Variants in DCAF5 observed in about 807,000 individuals in gnomAD.
The protein encoded by DCAF5 is DDB1 and CUL4 associated factor 5, also known as DDB1- and CUL4-associated factor 5.
In DCAF5, 9 loss-of-function variants were observed where a neutral mutation model predicts 80.7. The observed-to-expected ratio is 0.11, with a 90% CI of 0.07 to 0.19. DCAF5 has a LOEUF of 0.19. Ranked by LOEUF, DCAF5 falls within the 10% of genes least tolerant of loss-of-function variation. The probability of loss-of-function intolerance (pLI) is 1.00; values close to 1 mark genes in which losing one functional copy is unlikely to be tolerated. For synonymous variants in DCAF5, 433 were observed against 461.9 expected, an observed-to-expected ratio of 0.94 and a Z score of 0.80; for missense variants, 842 against 1,205.7, an observed-to-expected ratio of 0.70 and a Z score of 4.47.
chr14:69,139,578 C>T (rs2041298622), intron 1 of DCAF5, among the ~76,000 whole-genome samples: 1 of 150,970 alleles, frequency 6.6e-6, no homozygotes, highest in Admixed American at 6.6e-5. Context: ...CTTTGGGAGG[C>T]TGAGGCAGGT....
chr14:69,118,034 T>G lies in DCAF5; in HGVS notation c.535+105A>C. On this transcript the variant is annotated intron_variant, in intron 4 of 8. Transcript: ENST00000341516. This position sits in a 1 kb window ranked among gnomAD's most constrained non-coding sequence, Gnocchi z 4.0. Reference sequence around the variant, plus strand: ...TGAGTGTTTCACATTTCCTTTCCCTTGACATCACTTGCACATAGATACTGA... The same window carrying G: ...TGAGTGTTTCACATTTCCTTTCCCTGGACATCACTTGCACATAGATACTGA... 4.1e-6 allele frequency: 6 copies of G among 1,474,950 alleles called. No homozygotes were observed. The highest frequency in any genetic ancestry group is 5.6e-6 in the Non-Finnish European group (6 of 1,071,218). The allele number at this position is 1,474,950 out of a possible 1,614,324, so 91.4% of individuals were successfully genotyped here. A position where few individuals can be genotyped will look rare whatever the true frequency, so the allele number is the denominator to read the frequency against.
intron 3 of DCAF5, 95 bp downstream of exon 3, chr14:69,119,099 C>A: frequency 1.5e-6 from 2 of 1,301,354 alleles, no homozygotes; most frequent in South Asian, 1.6e-5. Flanking sequence ...TTGTTTTTTT[C>A]AAAAAACAAA....
At chr14:69,150,406 A>T (rs1595076843) in intron 1 of DCAF5, among the ~76,000 whole-genome samples, 2 of 152,282 alleles carry the variant, frequency 1.3e-5, no homozygotes, top group African/African-American at 4.8e-5. Context: ...CACAGGCTAA[A>T]ATTAAGATAA....
intron 5 of DCAF5, among the ~76,000 whole-genome samples, chr14:69,106,804 C>A (rs2040177942): frequency 6.6e-6 from 1 of 152,136 alleles, no homozygotes; most frequent in Admixed American, 6.5e-5. Flanking sequence ...CATTGGGAGG[C>A]TGAGATGAGT....
chr14:69,127,111 G>T (rs971810451), intron 1 of DCAF5, among the ~76,000 whole-genome samples: 1 of 152,144 alleles, frequency 6.6e-6, no homozygotes, highest in Non-Finnish European at 1.5e-5. Flanking sequence ...CTCTTATCAC[G>T]CAATCCAGCA....
At chr14:69,108,297 T>C (rs2040234193) in intron 5 of DCAF5, among the ~76,000 whole-genome samples, 2 of 152,152 alleles carry the variant, frequency 1.3e-5, no homozygotes, top group Non-Finnish European at 2.9e-5. Context: ...GCAAGGAAGT[T>C]TTCCCTGATG....
chr14:69,087,702 T>C (rs559919148), intron 6 of DCAF5, among the ~76,000 whole-genome samples: 244 of 152,336 alleles, frequency 1.6e-3, no homozygotes, highest in Non-Finnish European at 2.2e-3. Context: ...GGCAATGTTA[T>C]GTGAATGTAT....
At chr14:69,135,374 G>C (rs1253551929) in intron 1 of DCAF5, among the ~76,000 whole-genome samples, 1 of 152,130 alleles carries the variant, frequency 6.6e-6, no homozygotes, top group Non-Finnish European at 1.5e-5. Flanking sequence ...AAAAATAATT[G>C]TATCAAATTT....
chr14:69,085,998 C>T (rs910979864), intron 6 of DCAF5, among the ~76,000 whole-genome samples: 2 of 152,168 alleles, frequency 1.3e-5, no homozygotes, highest in African/African-American at 4.8e-5. Flanking sequence ...ACACTACTGT[C>T]GGCCTCAGTT....
chr14:69,152,705 C>T lies in DCAF5; in HGVS notation c.214+60G>A, dbSNP rs1483641773. The stretch of plus-strand genomic sequence containing the variant: ...GCAGGAGGAGGGTGACGGGGGAGAG[C>T]GAGAGGGGGAGGCTGGGAGGGTGCG... On this transcript the variant is annotated intron_variant, in intron 1 of 8. Coordinates refer to ENST00000341516, the MANE Select transcript of DCAF5 (RefSeq NM_003861.3). The surrounding 1 kb of genome is among the most constrained non-coding windows in gnomAD (Gnocchi z 4.1). 2.4e-6 allele frequency: 3 copies of T among 1,258,732 alleles called. No homozygotes were observed. The highest frequency in any genetic ancestry group is 3.2e-6 in the Non-Finnish European group (3 of 927,534). The allele number at this position is 1,258,732 out of a possible 1,614,324, so 78.0% of individuals were successfully genotyped here.
At chr14:69,076,123 A>T (rs1023756999) in intron 6 of DCAF5, among the ~76,000 whole-genome samples, 23 of 152,190 alleles carry the variant, frequency 1.5e-4, no homozygotes, top group Non-Finnish European at 1.3e-4. Context: ...TACCAAAAAA[A>T]AAAAAAATTG....
Position 69,052,497 on chromosome 14 carries a change from CAAGATATCTGGTCATTCCCAG to C in DCAF5, c.*1339_*1359del, listed in dbSNP as rs1240720260. On this transcript the variant is annotated 3_prime_UTR_variant, in exon 9 of 9. Transcript: ENST00000341516. ...TGCCTTTTCATAACATTTATGCCAA[CAAGATATCTGGTCATTCCCAG>C]ACCTTCCTGTTTTGCACAACCCTTC... is the stretch of plus-strand genomic sequence containing the variant. 6.5e-6 allele frequency: 1 copy of C among 152,678 alleles called. No individual in the cohort carries two copies. The highest frequency in any genetic ancestry group is 1.5e-5 in the Non-Finnish European group (1 of 68,046). 9.5% of individuals were successfully genotyped at this position (152,678 alleles called of 1,614,324 possible). A position where few individuals can be genotyped will look rare whatever the true frequency, so the allele number is the denominator to read the frequency against.
At chr14:69,066,988 C>T (rs2038468579) in intron 7 of DCAF5, among the ~76,000 whole-genome samples, 2 of 152,210 alleles carry the variant, frequency 1.3e-5, no homozygotes, top group Admixed American at 6.5e-5. Flanking sequence ...ATCAATCATG[C>T]TGGGACACTG....
At chr14:69,136,183 A>G (rs2041191987) in intron 1 of DCAF5, among the ~76,000 whole-genome samples, 1 of 144,324 alleles carries the variant, frequency 6.9e-6, no homozygotes, top group African/African-American at 2.6e-5. Context: ...TGGGGCAGTC[A>G]TAGCTCACTG....
chr14:69,056,852 C>T (rs183919739), intron 8 of DCAF5, among the ~76,000 whole-genome samples: 32 of 152,290 alleles, frequency 2.1e-4, no homozygotes, highest in African/African-American at 7.5e-4. Flanking sequence ...CTGAAGAAAC[C>T]TTCTAGATTA....
chr14:69,116,925 T>A (rs1269496674), intron 4 of DCAF5, among the ~76,000 whole-genome samples: 1 of 152,134 alleles, frequency 6.6e-6, no homozygotes, highest in Non-Finnish European at 1.5e-5. Context: ...ACAGATTTGA[T>A]GAAGATTAAA....
Position 69,144,252 on chromosome 14 carries a change from A to T in DCAF5, c.214+8513T>A, listed in dbSNP as rs1399970215. Among the ~76,000 whole-genome samples, 3 of 152,266 alleles carry T rather than the reference A, an allele frequency of 2.0e-5. No homozygotes were observed. The East Asian group carries it at 5.8e-4, about 29-fold the overall frequency. Reference sequence around the variant, plus strand: ...TACAAGATAAAAAAAAAAAAGTTAAATAATAATTTTCATTGTTATTAAGAT... The same window carrying T: ...TACAAGATAAAAAAAAAAAAGTTAATTAATAATTTTCATTGTTATTAAGAT... On this transcript the variant is annotated intron_variant, in intron 1 of 8. Transcript: ENST00000341516.
At chr14:69,135,925 G>A (rs2041177408) in intron 1 of DCAF5, among the ~76,000 whole-genome samples, 1 of 152,110 alleles carries the variant, frequency 6.6e-6, no homozygotes, top group Non-Finnish European at 1.5e-5. Context: ...CAAAGTTTAA[G>A]ACAGATCAAT....
chr14:69,076,383 A>C (rs1594953178), intron 6 of DCAF5, among the ~76,000 whole-genome samples: 1 of 152,238 alleles, frequency 6.6e-6, no homozygotes, highest in African/African-American at 2.4e-5. Context: ...AGGTGGAAAC[A>C]ACCCAAGGGT....
Sources: allele counts gnomAD v4.1 joint callset (sites outside exome capture counted in the v4.1 genomes callset), GRCh38; gene constraint gnomAD v4.1.1; non-coding constraint Gnocchi (gnomAD v3.1); transcripts MANE v1.5; gene names NCBI Gene and HGNC (gene_info 2026-07-23, HGNC 2026-07-21).